The following SAXO1 variants were observed in gnomAD, a reference collection of about 807,000 sequenced individuals.
SAXO1 encodes 4930500O09Rik.
A neutral mutation model predicts 17.5 loss-of-function variants in SAXO1; 21 were observed. The observed-to-expected ratio is 1.20, with a 90% CI of 0.85 to 1.72. The LOEUF is 1.72. Ranked by LOEUF, SAXO1 falls within the 40% of genes most tolerant of loss-of-function variation. The probability of loss-of-function intolerance (pLI) is 0.00; values close to 1 mark genes in which losing one functional copy is unlikely to be tolerated. For synonymous variants in SAXO1, 274 were observed against 216.5 expected, an observed-to-expected ratio of 1.27 and a Z score of -2.33; for missense variants, 843 against 596.0, an observed-to-expected ratio of 1.41 and a Z score of -4.32.
chr9:19,032,041 C>T (rs1932451), intron 1 of SAXO1, among the ~76,000 whole-genome samples: 13,441 of 152,148 alleles, frequency 0.088, 772 homozygotes, highest in Non-Finnish European at 0.12. Flanking sequence ...CTATGAGGTA[C>T]GTATTGTTGG....
chr9:18,927,992 A>T lies in SAXO1; in HGVS notation c.*60T>A. On this transcript the variant is annotated 3_prime_UTR_variant, in exon 4 of 4. Coordinates refer to ENST00000380534, the MANE Select transcript of SAXO1 (RefSeq NM_153707.4). ...GGGAATTCTTTTTTGTCCAACAAAT[A>T]ATTCTCAGTTGTCTGCTTTTAAAAG... The T allele has an allele frequency of 6.9e-7, 1 of 1,439,716 alleles. No individual in the cohort carries two copies. The highest frequency in any genetic ancestry group is 9.2e-7 in the Non-Finnish European group (1 of 1,086,624). The allele number at this position is 1,439,716 out of a possible 1,614,324, so 89.2% of individuals were successfully genotyped here.
chr9:19,037,966 G>C (rs1327276217), upstream of SAXO1, among the ~76,000 whole-genome samples: 1 of 152,202 alleles, frequency 6.6e-6, no homozygotes, highest in Non-Finnish European at 1.5e-5. Flanking sequence ...CCCAATGAAA[G>C]GACAAAGAAT....
intron 1 of SAXO1, among the ~76,000 whole-genome samples, chr9:18,969,856 G>T (rs1832879364): frequency 6.6e-6 from 1 of 152,228 alleles, no homozygotes. Flanking sequence ...AGATGAGGAA[G>T]CAAGGCCAAT....
intron 1 of SAXO1, among the ~76,000 whole-genome samples, chr9:19,022,784 C>T (rs1835302873): frequency 6.6e-6 from 1 of 152,044 alleles, no homozygotes; most frequent in African/African-American, 2.4e-5. Flanking sequence ...AATTTGACAG[C>T]CATTTAGAAA....
chr9:18,960,196 G>T (rs748985272), intron 1 of SAXO1, among the ~76,000 whole-genome samples: 3 of 152,182 alleles, frequency 2.0e-5, no homozygotes, highest in Admixed American at 6.5e-5. Context: ...TCTTCAAGAA[G>T]GTACAATTGG....
At chr9:18,969,485 T>A (rs1352387602) in intron 1 of SAXO1, among the ~76,000 whole-genome samples, 2 of 152,218 alleles carry the variant, frequency 1.3e-5, no homozygotes, top group Non-Finnish European at 2.9e-5. Flanking sequence ...ATCCCTATTT[T>A]AAAACAGTAA....
intron 1 of SAXO1, among the ~76,000 whole-genome samples, chr9:18,982,570 T>G (rs1427236660): frequency 1.3e-5 from 2 of 152,212 alleles, no homozygotes; most frequent in Non-Finnish European, 1.5e-5. Context: ...GGGGTTACTC[T>G]GAGCAAACCT....
chr9:18,994,756 G>A (rs943676680), intron 1 of SAXO1, among the ~76,000 whole-genome samples: 1 of 152,172 alleles, frequency 6.6e-6, no homozygotes, highest in African/African-American at 2.4e-5. Context: ...CTTCCCCTCT[G>A]AATTCTAGAT....
chr9:19,022,519 TAG>T (rs1835289717), intron 1 of SAXO1, among the ~76,000 whole-genome samples: 1 of 152,230 alleles, frequency 6.6e-6, no homozygotes, highest in South Asian at 2.1e-4. Context: ...AGATTGTATG[TAG>T]AGTTTTTTTC....
At chr9:18,980,994 C>T (rs1246837641) in intron 1 of SAXO1, among the ~76,000 whole-genome samples, 2 of 152,084 alleles carry the variant, frequency 1.3e-5, no homozygotes, top group East Asian at 3.9e-4. Context: ...AATAAATTGA[C>T]GCACGGATTT....
At chr9:18,987,812 G>A (rs531077153) in intron 1 of SAXO1, among the ~76,000 whole-genome samples, 2 of 151,840 alleles carry the variant, frequency 1.3e-5, no homozygotes, top group Non-Finnish European at 2.9e-5. Context: ...TGAAAGGATT[G>A]CTTGGGCCTA....
chr9:18,997,383 G>C (rs1403937106), intron 1 of SAXO1, among the ~76,000 whole-genome samples: 1 of 152,242 alleles, frequency 6.6e-6, no homozygotes, highest in Non-Finnish European at 1.5e-5. Context: ...CTGGAGTGTG[G>C]TAAGAGGAGG....
At chr9:18,958,955 G>C (rs747372722) in intron 1 of SAXO1, among the ~76,000 whole-genome samples, 3 of 152,152 alleles carry the variant, frequency 2.0e-5, no homozygotes, top group Non-Finnish European at 2.9e-5. Context: ...GACAAAAAGA[G>C]TAAGAAAACT....
intron 1 of SAXO1, among the ~76,000 whole-genome samples, chr9:18,951,244 GTCCCCAAGC>G (rs1279166367): frequency 6.6e-6 from 1 of 152,098 alleles, no homozygotes; most frequent in Non-Finnish European, 1.5e-5. Context: ...AAATGGCTGT[GTCCCCAAGC>G]TCTCCGAGTG....
chr9:18,936,320 G>A (rs183903558), intron 3 of SAXO1, among the ~76,000 whole-genome samples: 159 of 152,264 alleles, frequency 1.0e-3, no homozygotes, highest in African/African-American at 3.0e-3. Context: ...GGGCCTTGGA[G>A]GGAACCATCT....
At chr9:18,999,253 G>A (rs1338846545) in intron 1 of SAXO1, among the ~76,000 whole-genome samples, 1 of 152,248 alleles carries the variant, frequency 6.6e-6, no homozygotes, top group African/African-American at 2.4e-5. Flanking sequence ...ATAAAGGGAT[G>A]GAGCCGTCTG....
At chr9:19,028,434 GGAGAT>G (rs1835609120) in intron 1 of SAXO1, among the ~76,000 whole-genome samples, 1 of 152,156 alleles carries the variant, frequency 6.6e-6, no homozygotes, top group African/African-American at 2.4e-5. Flanking sequence ...AGGAAATGCT[GGAGAT>G]AATCAGATGC....
upstream of SAXO1, among the ~76,000 whole-genome samples, chr9:19,038,131 A>T (rs912036822): frequency 2.0e-5 from 3 of 152,190 alleles, no homozygotes; most frequent in African/African-American, 7.2e-5. Context: ...GGATGTGGAG[A>T]AACAGGGACA....
chr9:19,045,303 C>G (rs7034297), intron 1 of SAXO1, among the ~76,000 whole-genome samples: 1 of 122,482 alleles, frequency 8.2e-6, no homozygotes, highest in Non-Finnish European at 1.6e-5. Flanking sequence ...GGCGACAGAG[C>G]GAGACTCCGT....
Sources: gnomAD v4.1 joint callset for allele counts (sites outside exome capture counted in the v4.1 genomes callset) on GRCh38, gnomAD v4.1.1 for gene constraint, MANE v1.5 for transcripts, NCBI Gene and HGNC (gene_info 2026-07-23, HGNC 2026-07-21) for gene names.